The following PTPRE variants were observed in gnomAD, a reference collection of about 807,000 sequenced individuals.
PTPRE encodes the protein receptor-type tyrosine-protein phosphatase epsilon.
A neutral mutation model predicts 102.0 loss-of-function variants in PTPRE; 51 were observed. That is an observed-to-expected ratio of 0.50 (90% confidence interval 0.40 to 0.63). PTPRE has a LOEUF of 0.63. Among genes scored for constraint, PTPRE ranks in the 30% least tolerant of loss-of-function variants. The probability of loss-of-function intolerance (pLI) is 0.00; values close to 1 mark genes in which losing one functional copy is unlikely to be tolerated. For missense variants in PTPRE, 752 were observed against 915.1 expected (o/e 0.82, Z 2.30); for synonymous variants, 345 against 348.2 (o/e 0.99, Z 0.10).
At chr10:127,908,301 T>G (rs1845631116) in intron 1 of PTPRE, among the ~76,000 whole-genome samples, 1 of 152,120 alleles carries the variant, frequency 6.6e-6, no homozygotes, top group East Asian at 1.9e-4. Flanking sequence ...AATTACTGTG[T>G]CCATGTCCAG....
At position 128,076,681 on chromosome 10, in the gene PTPRE, C is replaced by T; in HGVS notation, c.1678C>T (p.Leu560Phe). The T allele has an allele frequency of 1.9e-6, 3 of 1,611,986 alleles. No individual in the cohort carries two copies. Among genetic ancestry groups the T allele is most frequent in the East Asian group, 2.2e-5 (1 of 44,774 alleles). ...EITIEIKNDT[L>F]SEAISIRDFL... The stretch of plus-strand genomic sequence containing the variant: ...AACGATTGAGATAAAGAATGATACC[C>T]TTTCAGAAGCCATCAGTATACGAGA... Residue 560 changes from leucine (L) to phenylalanine (F), a missense_variant, in exon 18 of 21, where the codon CTT becomes TTT. Physicochemically the swap from Leu to Phe is conservative, Grantham distance 22. Coordinates refer to ENST00000254667, the MANE Select transcript of PTPRE (RefSeq NM_006504.6).
intron 17 of PTPRE, among the ~76,000 whole-genome samples, chr10:128,074,516 A>G (rs1851053640): frequency 6.6e-6 from 1 of 152,192 alleles, no homozygotes; most frequent in South Asian, 2.1e-4. Context: ...AAATACAAAA[A>G]TTAGCTGGGC....
At chr10:128,072,784 TACAC>T (rs1850897279) in intron 16 of PTPRE, 1 of 153,362 alleles carries the variant, frequency 6.5e-6, no homozygotes, top group Non-Finnish European at 1.5e-5. Context: ...ACATATCTGT[TACAC>T]ACCAATTATA....
chr10:127,913,704 C>A (rs184697126), intron 1 of PTPRE, among the ~76,000 whole-genome samples: 2 of 152,288 alleles, frequency 1.3e-5, no homozygotes, highest in African/African-American at 2.4e-5. Flanking sequence ...ACAGCCCAGA[C>A]GAAATGGAAG....
Position 128,069,958 on chromosome 10 carries a change from C to T in PTPRE, c.1143+131C>T, listed in dbSNP as rs796834650. On this transcript the variant is annotated intron_variant, in intron 13 of 20. Transcript: ENST00000254667. ...AGCCTGGGCCTGGCCTGGCTTCGCT[C>T]CCCATAGCCTTCCCTGCCCACGCGT... The T allele has an allele frequency of 2.9e-5, 41 of 1,397,232 alleles. No homozygotes were observed. In the African/African-American group the frequency reaches 4.4e-4, roughly 15 times the overall value. 86.6% of individuals were successfully genotyped at this position (1,397,232 alleles called of 1,614,324 possible). A position where few individuals can be genotyped will look rare whatever the true frequency, so the allele number is the denominator to read the frequency against.
chr10:128,029,674 C>T (rs1846564240), intron 2 of PTPRE, among the ~76,000 whole-genome samples: 2 of 152,038 alleles, frequency 1.3e-5, no homozygotes, highest in Non-Finnish European at 2.9e-5. Flanking sequence ...TGAAAAACGT[C>T]TATTTTCCAG....
At position 128,066,193 on chromosome 10, in the gene PTPRE, C is replaced by T; in HGVS notation, c.842C>T (p.Pro281Leu). 1 of 1,613,330 alleles carries T rather than the reference C, an allele frequency of 6.2e-7. No homozygotes were observed. The highest frequency in any genetic ancestry group is 8.5e-7 in the Non-Finnish European group (1 of 1,179,296). ...DYTIRKFCIQ[P>L]QLPDGCKAPR... ...ACCATCCGGAAGTTCTGCATACAGC[C>T]AGTAAGCATCTCTAGTTGCTGCCCT... The change falls in exon 11 of 21, where the codon CCA (proline) becomes CTA (leucine). Residue 281 changes from proline to leucine, a missense_variant and splice_region_variant. By Grantham distance (98) the Pro-to-Leu change is moderately conservative. Around this residue, in one of 2 missense-constraint regions of PTPRE, gnomAD observed 636 missense variants for 824.4 expected, o/e 0.77. Coordinates refer to ENST00000254667, the MANE Select transcript of PTPRE (RefSeq NM_006504.6).
chr10:127,941,164 G>A (rs958162946), intron 1 of PTPRE, among the ~76,000 whole-genome samples: 1 of 152,196 alleles, frequency 6.6e-6, no homozygotes, highest in Admixed American at 6.5e-5. Flanking sequence ...AGGCCCTGTG[G>A]CATCTGAGGT....
chr10:128,059,536 C>T (rs1849330545), intron 7 of PTPRE, among the ~76,000 whole-genome samples: 2 of 152,138 alleles, frequency 1.3e-5, no homozygotes, highest in Admixed American at 1.3e-4. Context: ...AGAGACTAAG[C>T]AGAGAAAGCA....
At chr10:128,040,388 G>C (rs1292632849) in intron 2 of PTPRE, among the ~76,000 whole-genome samples, 1 of 152,156 alleles carries the variant, frequency 6.6e-6, no homozygotes, top group African/African-American at 2.4e-5. Flanking sequence ...CAGAGTGAAG[G>C]GGGATGAAGA....
chr10:127,935,246 G>T (rs1305846010), intron 1 of PTPRE, among the ~76,000 whole-genome samples: 1 of 152,154 alleles, frequency 6.6e-6, no homozygotes, highest in South Asian at 2.1e-4. Flanking sequence ...TCCAGCTCCC[G>T]TGGTGCAAAC....
intron 1 of PTPRE, among the ~76,000 whole-genome samples, chr10:127,960,632 C>T (rs1589837336): frequency 1.3e-5 from 2 of 152,312 alleles, no homozygotes; most frequent in Non-Finnish European, 1.5e-5. Flanking sequence ...TCATCTTGGA[C>T]CTCCTAGCTC....
chr10:127,938,673 G>A (rs980015616), intron 1 of PTPRE, among the ~76,000 whole-genome samples: 2 of 152,056 alleles, frequency 1.3e-5, no homozygotes, highest in African/African-American at 4.8e-5. Flanking sequence ...ATTTCACATC[G>A]ATATTACTTC....
At position 127,963,569 on chromosome 10, in the gene PTPRE, C is replaced by A. The variant is rs141525831; in HGVS notation, c.-30-18705C>A. Among the ~76,000 whole-genome samples the A allele has an allele frequency of 2.2e-4, 34 of 152,208 alleles. No homozygotes were observed. The East Asian group carries it at 6.4e-3, about 28-fold the overall frequency. Reference sequence around the variant, plus strand: ...TCTTTACAGTGTGTATAGGCAGAGCCGAGTTGAGACATCGAAAGTGGGCAG... The same window carrying A: ...TCTTTACAGTGTGTATAGGCAGAGCAGAGTTGAGACATCGAAAGTGGGCAG... On this transcript the variant is annotated intron_variant, in intron 1 of 20. Transcript: ENST00000254667.
At chr10:128,002,376 G>A (rs1366113774) in intron 2 of PTPRE, among the ~76,000 whole-genome samples, 1 of 152,190 alleles carries the variant, frequency 6.6e-6, no homozygotes. Flanking sequence ...GAGCTGCCTA[G>A]GGAGGGGGCA....
At chr10:127,969,059 A>G (rs1770660070) in intron 1 of PTPRE, among the ~76,000 whole-genome samples, 1 of 152,234 alleles carries the variant, frequency 6.6e-6, no homozygotes, top group Non-Finnish European at 1.5e-5. Flanking sequence ...TTCACCCCAA[A>G]AGATGGAGAA....
intron 2 of PTPRE, among the ~76,000 whole-genome samples, chr10:128,011,977 T>A (rs1845057173): frequency 6.6e-6 from 1 of 152,204 alleles, no homozygotes; most frequent in Non-Finnish European, 1.5e-5. Context: ...AAGAGACAGA[T>A]GACATGCCCA....
chr10:128,084,477 C>G lies in PTPRE; in HGVS notation c.*1571C>G, dbSNP rs941762922. Reference sequence around the variant, plus strand: ...TGCTCACAGGGAATCAAGCTTCTCGCCCACTCCACGGCTCTGAGCCCCATC... The same window carrying G: ...TGCTCACAGGGAATCAAGCTTCTCGGCCACTCCACGGCTCTGAGCCCCATC... On this transcript the variant is annotated 3_prime_UTR_variant, in exon 21 of 21. Transcript: ENST00000254667. 9 of 152,180 alleles carry G rather than the reference C, an allele frequency of 5.9e-5. No homozygotes were observed. Among genetic ancestry groups the G allele is most frequent in the African/African-American group, 2.2e-4 (9 of 41,432 alleles). 9.4% of individuals were successfully genotyped at this position (152,180 alleles called of 1,614,324 possible).
At chr10:128,012,650 G>C (rs1038771035) in intron 2 of PTPRE, among the ~76,000 whole-genome samples, 15 of 152,190 alleles carry the variant, frequency 9.9e-5, no homozygotes, top group African/African-American at 3.6e-4. Context: ...CTGTCCTTGG[G>C]AGCTTCACAA....
Sources: allele counts gnomAD v4.1 joint callset (sites outside exome capture counted in the v4.1 genomes callset), GRCh38; gene constraint gnomAD v4.1.1; regional missense constraint gnomAD v4.1.1; transcripts MANE v1.5; gene names NCBI Gene and HGNC (gene_info 2026-07-23, HGNC 2026-07-21).